Variants in GRIN3A observed in about 807,000 individuals in gnomAD.
The protein encoded by GRIN3A is glutamate receptor ionotropic, NMDA 3A.
GRIN3A carries 47 observed loss-of-function variants against 92.4 expected under a neutral mutation model. The observed-to-expected ratio is 0.51, with a 90% CI of 0.40 to 0.65. The LOEUF is 0.65. GRIN3A is among the 30% of genes least tolerant of loss of function. The pLI is 0.00. For missense variants in GRIN3A, 1,324 were observed against 1,393.1 expected, an observed-to-expected ratio of 0.95 and a Z score of 0.79; for synonymous variants, 527 against 540.6, an observed-to-expected ratio of 0.97 and a Z score of 0.35.
At chr9:101,596,366 TTTGC>T (rs1255422745) in intron 6 of GRIN3A, among the ~76,000 whole-genome samples, 2 of 152,226 alleles carry the variant, frequency 1.3e-5, no homozygotes, top group East Asian at 3.8e-4. Context: ...GTTTCATTTA[TTTGC>T]TTGCTTTTCA....
chr9:101,723,918 GAT>G (rs1156786639), intron 1 of GRIN3A, among the ~76,000 whole-genome samples: 3 of 152,276 alleles, frequency 2.0e-5, no homozygotes, highest in East Asian at 3.9e-4. Context: ...AGAGTAGCTA[GAT>G]ACAGAGTGTC....
At chr9:101,636,447 T>C (rs1323340806) in intron 3 of GRIN3A, among the ~76,000 whole-genome samples, 2 of 152,200 alleles carry the variant, frequency 1.3e-5, no homozygotes, top group Non-Finnish European at 2.9e-5. Context: ...GTTTTCCCCG[T>C]TTTAAAAATG....
At chr9:101,652,880 G>A (rs541129042) in intron 3 of GRIN3A, among the ~76,000 whole-genome samples, 1 of 152,064 alleles carries the variant, frequency 6.6e-6, no homozygotes, top group Admixed American at 6.6e-5. Flanking sequence ...GAACATTGCA[G>A]TTAATGTTGC....
intron 1 of GRIN3A, among the ~76,000 whole-genome samples, chr9:101,698,890 A>C (rs1052737477): frequency 2.0e-5 from 3 of 151,996 alleles, no homozygotes; most frequent in Non-Finnish European, 4.4e-5. Context: ...GGATGGTCTC[A>C]ATCTCCCGAC....
intron 5 of GRIN3A, among the ~76,000 whole-genome samples, chr9:101,616,716 G>A (rs1828459238): frequency 8.1e-6 from 1 of 124,098 alleles, no homozygotes; most frequent in African/African-American, 3.2e-5. Context: ...ACAGGAAGGG[G>A]AATATCACAC....
chr9:101,672,929 A>C (rs141617149), intron 2 of GRIN3A, among the ~76,000 whole-genome samples: 210 of 152,314 alleles, frequency 1.4e-3, no homozygotes, highest in African/African-American at 4.7e-3. Flanking sequence ...TCAATTGATA[A>C]TTACCTAGGT....
intron 3 of GRIN3A, among the ~76,000 whole-genome samples, chr9:101,656,830 C>A (rs1829094796): frequency 6.6e-6 from 1 of 151,902 alleles, no homozygotes; most frequent in South Asian, 2.1e-4. Flanking sequence ...GAGGGAGAAG[C>A]AGCTTCACCT....
chr9:101,570,890 C>T lies in GRIN3A; in HGVS notation c.*2284G>A, dbSNP rs41282155. On this transcript the variant is annotated 3_prime_UTR_variant, in exon 9 of 9. Transcript: ENST00000361820. The stretch of plus-strand genomic sequence containing the variant: ...CCTTAAACAGCCAGCTTCTCAAATA[C>T]AGTCAGAATATGAGCTGAGTTACAA... 9,288 of 152,752 alleles carry T rather than the reference C, an allele frequency of 0.061. 371 individuals carry two copies. The highest frequency in any genetic ancestry group is 0.097 in the Admixed American group (1,478 of 15,294). 9.5% of individuals were successfully genotyped at this position (152,752 alleles called of 1,614,324 possible). A position where few individuals can be genotyped will look rare whatever the true frequency, so the allele number is the denominator to read the frequency against.
chr9:101,664,355 C>T (rs1323414), intron 3 of GRIN3A, among the ~76,000 whole-genome samples: 51,240 of 151,896 alleles, frequency 0.34, 9,519 homozygotes, highest in Non-Finnish European at 0.42. Flanking sequence ...ATATCACTCA[C>T]AAATTCCTGC....
In GRIN3A at chr9:101,686,826, A is replaced by C. The variant is rs1829544283; in HGVS notation, c.1074T>G (p.Asp358Glu). 3 of 1,614,178 alleles carry C rather than the reference A, an allele frequency of 1.9e-6. No homozygotes were observed. The highest frequency in any genetic ancestry group is 2.5e-6 in the Non-Finnish European group (3 of 1,180,036). Residue 358 changes from aspartate to glutamate, a missense_variant, in exon 2 of 9, where the codon GAT becomes GAG. Coordinates refer to ENST00000361820, the MANE Select transcript of GRIN3A (RefSeq NM_133445.3). ...MPPELRWVLG[D>E]SQNVEELRTE... The stretch of plus-strand genomic sequence containing the variant: ...TCCTCAGTTCCTCCACATTCTGGGA[A>C]TCTCCCAGCACCCAACGAAGTTCAG...
chr9:101,670,834 G>A lies in GRIN3A; in HGVS notation c.1578C>T (p.Val526=). The stretch of plus-strand genomic sequence containing the variant: ...CTTCATCATCTACCTCCCTTGTGAA[G>A]ACAAAAGGATGCTCAATCAGGGTAA... ...RVVTLIEHPF[V]FTREVDDEGL... is the part of the protein sequence containing the mutation. Residue 526 remains valine (V), a synonymous_variant, in exon 3 of 9, where the codon GTC becomes GTT. Coordinates refer to ENST00000361820, the MANE Select transcript of GRIN3A (RefSeq NM_133445.3). 1 of 1,613,986 alleles carries A rather than the reference G, an allele frequency of 6.2e-7. No individual in the cohort carries two copies. The highest frequency in any genetic ancestry group is 1.1e-5 in the South Asian group (1 of 91,086).
chr9:101,709,771 A>G (rs1424948400), intron 1 of GRIN3A, among the ~76,000 whole-genome samples: 2 of 152,222 alleles, frequency 1.3e-5, no homozygotes, highest in Non-Finnish European at 2.9e-5. Flanking sequence ...TATTTTTATT[A>G]CACAAGTACA....
intron 1 of GRIN3A, among the ~76,000 whole-genome samples, chr9:101,692,325 T>C (rs559722570): frequency 6.6e-6 from 1 of 152,168 alleles, no homozygotes; most frequent in Non-Finnish European, 1.5e-5. Flanking sequence ...CCAGTCAGCA[T>C]GCAAGTTAAG....
At chr9:101,713,463 G>A (rs566982802) in intron 1 of GRIN3A, among the ~76,000 whole-genome samples, 1 of 152,304 alleles carries the variant, frequency 6.6e-6, no homozygotes, top group East Asian at 1.9e-4. Context: ...CTAGGATAGA[G>A]CCTAGGTATG....
intron 1 of GRIN3A, among the ~76,000 whole-genome samples, chr9:101,689,232 A>G (rs1161902009): frequency 1.3e-5 from 2 of 152,176 alleles, no homozygotes; most frequent in Non-Finnish European, 2.9e-5. Context: ...TCTTGGCTTC[A>G]GCTCCCTATT....
chr9:101,700,439 C>CA (rs1399581763), intron 1 of GRIN3A, among the ~76,000 whole-genome samples: 2 of 152,080 alleles, frequency 1.3e-5, no homozygotes, highest in Admixed American at 1.3e-4. Flanking sequence ...AGAAAACTGG[C>CA]ACCTGAATGC....
intron 6 of GRIN3A, among the ~76,000 whole-genome samples, chr9:101,589,261 C>T (rs1286167149): frequency 6.6e-6 from 1 of 152,184 alleles, no homozygotes; most frequent in Admixed American, 6.5e-5. Flanking sequence ...ACGTGAGCCT[C>T]TGCACCTGGC....
At chr9:101,715,816 A>G (rs1175007474) in intron 1 of GRIN3A, among the ~76,000 whole-genome samples, 1 of 152,238 alleles carries the variant, frequency 6.6e-6, no homozygotes, top group Non-Finnish European at 1.5e-5. Context: ...CAAATAAAAC[A>G]GAAAACAATA....
chr9:101,700,618 T>C (rs191238977), intron 1 of GRIN3A, among the ~76,000 whole-genome samples: 1 of 152,278 alleles, frequency 6.6e-6, no homozygotes, highest in East Asian at 1.9e-4. Flanking sequence ...CATAATACAA[T>C]TATTATGAAT....
Sources: allele counts gnomAD v4.1 joint callset (sites outside exome capture counted in the v4.1 genomes callset), GRCh38; gene constraint gnomAD v4.1.1; transcripts MANE v1.5; gene names NCBI Gene and HGNC (gene_info 2026-07-23, HGNC 2026-07-21).